Variants in GALNT7 observed in about 807,000 individuals in gnomAD.
GALNT7 encodes polypeptide N-acetylgalactosaminyltransferase 7.
A neutral mutation model predicts 82.1 loss-of-function variants in GALNT7; 60 were observed. The observed-to-expected ratio is 0.73, with a 90% CI of 0.59 to 0.91. The LOEUF (loss-of-function observed/expected upper bound fraction) is 0.91, where lower values mean the gene tolerates loss of function less well. Ranked by LOEUF, GALNT7 falls within the 40% of genes least tolerant of loss-of-function variation. The pLI, the probability that GALNT7 is intolerant of heterozygous loss-of-function variation, is 0.00. For missense variants in GALNT7, 660 were observed against 804.2 expected, an observed-to-expected ratio of 0.82 and a Z score of 2.17; for synonymous variants, 243 against 275.1, an observed-to-expected ratio of 0.88 and a Z score of 1.15.
At position 173,298,156 on chromosome 4, in the gene GALNT7, ACAC is replaced by A; in HGVS notation, c.1008_1010del (p.Asn336_Thr337delinsLys). ...CCGCTTATAGATGTCATAAATGGCAACACATATGAAATTATACCCCAAGGGGGT... is the reference window on the plus strand; with the variant it reads ...CCGCTTATAGATGTCATAAATGGCAAATATGAAATTATACCCCAAGGGGGT... On this transcript the variant is annotated inframe_deletion, in exon 6 of 12. Coordinates refer to ENST00000265000, the MANE Select transcript of GALNT7 (RefSeq NM_017423.3). 6.2e-7 allele frequency: 1 copy of A among 1,614,096 alleles called. No individual in the cohort carries two copies. Among genetic ancestry groups the A allele is most frequent in the Non-Finnish European group, 8.5e-7 (1 of 1,179,948 alleles).
intron 2 of GALNT7, among the ~76,000 whole-genome samples, chr4:173,290,033 A>G (rs1262022018): frequency 2.6e-5 from 4 of 152,228 alleles, no homozygotes; most frequent in Non-Finnish European, 1.5e-5. Flanking sequence ...GGAAAGAACT[A>G]TGGAGCCGCT....
At chr4:173,169,750 G>GC (rs1731790111) in intron 1 of GALNT7, 1 of 152,018 alleles carries the variant, frequency 6.6e-6, no homozygotes, top group Non-Finnish European at 1.5e-5. Context: ...GCCTGGGGAA[G>GC]CCCCTGCTGT....
chr4:173,317,797 A>T, intron 10 of GALNT7, 65 bp downstream of exon 10: 1 of 967,578 alleles, frequency 1.0e-6, no homozygotes, highest in Non-Finnish European at 1.7e-6. Context: ...TATTGATCAC[A>T]GAGTGATCTT....
intron 8 of GALNT7, among the ~76,000 whole-genome samples, chr4:173,312,975 C>G (rs545608108): frequency 1.3e-5 from 2 of 152,184 alleles, no homozygotes; most frequent in South Asian, 4.2e-4. Context: ...AGGAGAATCG[C>G]TTGAACCTGG....
Position 173,178,052 on chromosome 4 carries a change from T to TGTGCGC in GALNT7, c.126+9092_126+9093insTGCGCG, listed in dbSNP as rs563102408. On this transcript the variant is annotated intron_variant, in intron 1 of 11. Transcript: ENST00000265000. ...GTGTGTGTGTGTGTGTGTGTGTGTG[T>TGTGCGC]GCGCGCACGCGCGTGCGCACAGACA... 1.4e-3 allele frequency among the ~76,000 whole-genome samples: 181 copies of TGTGCGC among 129,512 alleles called. 1 individual carries two copies. Among genetic ancestry groups the TGTGCGC allele is most frequent in the South Asian group, 1.3e-3 (5 of 3,836 alleles). 85.0% of individuals were successfully genotyped at this position (129,512 alleles called of 152,430 possible).
At chr4:173,220,077 A>G (rs999065244) in intron 1 of GALNT7, among the ~76,000 whole-genome samples, 2 of 152,116 alleles carry the variant, frequency 1.3e-5, no homozygotes, top group African/African-American at 2.4e-5. Flanking sequence ...TAACAAAGCT[A>G]TTGTCTAGAA....
chr4:173,314,041 A>G lies in GALNT7; in HGVS notation c.1473A>G (p.Pro491=), dbSNP rs763064382. The G allele has an allele frequency of 5.6e-6, 9 of 1,610,216 alleles. No homozygotes were observed. Among genetic ancestry groups the G allele is most frequent in the Non-Finnish European group, 6.8e-6 (8 of 1,176,488 alleles). Reference sequence around the variant, plus strand: ...GTCGTCCTGAATCGCAGGCATTACCATATGGGGATATATCGGAGCTGAAAA... The same window carrying G: ...GTCGTCCTGAATCGCAGGCATTACCGTATGGGGATATATCGGAGCTGAAAA... The part of the protein sequence containing the change: ...YASRPESQAL[P]YGDISELKKF... Residue 491 remains proline (P), a synonymous_variant, in exon 9 of 12, where the codon CCA becomes CCG. Coordinates refer to ENST00000265000, the MANE Select transcript of GALNT7 (RefSeq NM_017423.3).
intron 1 of GALNT7, among the ~76,000 whole-genome samples, chr4:173,228,306 T>G (rs1376669029): frequency 7.2e-6 from 1 of 138,888 alleles, no homozygotes; most frequent in Non-Finnish European, 1.6e-5. Context: ...GTCATTTCTA[T>G]GCCCCATTAT....
intron 2 of GALNT7, among the ~76,000 whole-genome samples, chr4:173,276,688 G>GGAA (rs966575736): frequency 6.6e-5 from 10 of 152,152 alleles, no homozygotes; most frequent in Non-Finnish European, 1.5e-4. Context: ...TTGTGGAGGA[G>GGAA]GAAGCAGGGA....
chr4:173,247,393 A>G (rs1030523682), intron 1 of GALNT7, among the ~76,000 whole-genome samples: 1 of 151,110 alleles, frequency 6.6e-6, no homozygotes, highest in African/African-American at 2.4e-5. Context: ...TTAGTTACAG[A>G]TATTAGCTTT....
chr4:173,191,905 A>G (rs749338089), intron 1 of GALNT7, among the ~76,000 whole-genome samples: 1 of 152,204 alleles, frequency 6.6e-6, no homozygotes, highest in Non-Finnish European at 1.5e-5. Flanking sequence ...GAGGAGAGAA[A>G]GGTAACTAAG....
intron 1 of GALNT7, among the ~76,000 whole-genome samples, chr4:173,188,866 G>C (rs1174081583): frequency 6.6e-6 from 1 of 152,186 alleles, no homozygotes; most frequent in South Asian, 2.1e-4. Context: ...TCTTTAGCAC[G>C]TGGCTGTTTC....
intron 9 of GALNT7, among the ~76,000 whole-genome samples, chr4:173,315,559 G>A (rs73003372): frequency 0.012 from 1,795 of 152,260 alleles, 28 homozygotes; most frequent in African/African-American, 0.041. Context: ...AGACCCATCC[G>A]TCAGAAACGC....
chr4:173,173,541 G>A (rs1441696771), intron 1 of GALNT7, among the ~76,000 whole-genome samples: 1 of 152,158 alleles, frequency 6.6e-6, no homozygotes. Context: ...GGGGGAGTTG[G>A]GTTGGGTGGG....
intron 1 of GALNT7, among the ~76,000 whole-genome samples, chr4:173,221,462 C>T (rs1234259935): frequency 6.6e-6 from 1 of 152,102 alleles, no homozygotes; most frequent in Non-Finnish European, 1.5e-5. Flanking sequence ...TAGAGTAGAG[C>T]TATTAATCAT....
chr4:173,259,829 G>A (rs1460368340), intron 2 of GALNT7, among the ~76,000 whole-genome samples: 1 of 152,050 alleles, frequency 6.6e-6, no homozygotes, highest in Admixed American at 6.6e-5. Context: ...GCAGAGACGG[G>A]GTTTTGCCTT....
intron 8 of GALNT7, among the ~76,000 whole-genome samples, chr4:173,304,400 T>C (rs915446986): frequency 6.9e-6 from 1 of 144,990 alleles, no homozygotes; most frequent in Non-Finnish European, 1.5e-5. Context: ...CCCCATCTCT[T>C]AAAAAAAAAA....
At chr4:173,236,729 G>A (rs1210722681) in intron 1 of GALNT7, among the ~76,000 whole-genome samples, 4 of 152,142 alleles carry the variant, frequency 2.6e-5, no homozygotes, top group Admixed American at 6.5e-5. Context: ...TTTTCAAAAC[G>A]CAGATCAGGT....
rs750053029 is a variant in GALNT7 at position 173,314,125 on chromosome 4, T to C, written c.1557T>C (p.Tyr519=). ...SFKWFMEEIA[Y]DITSHYPLPP... is the part of the protein sequence containing the mutation. ...AGTGGTTCATGGAAGAAATAGCTTA[T>C]GATATCACCTCACACTACCCTTTGC... The change falls in exon 9 of 12, where the codon TAT becomes TAC. Residue 519 remains tyrosine, a synonymous_variant. Transcript: ENST00000265000. 13 of 1,613,930 alleles carry C rather than the reference T, an allele frequency of 8.1e-6. No individual in the cohort carries two copies. Among genetic ancestry groups the C allele is most frequent in the Admixed American group, 5.0e-5 (3 of 60,008 alleles).
Sources: gnomAD v4.1 joint callset for allele counts (sites outside exome capture counted in the v4.1 genomes callset) on GRCh38, gnomAD v4.1.1 for gene constraint, MANE v1.5 for transcripts, NCBI Gene and HGNC (gene_info 2026-07-23, HGNC 2026-07-21) for gene names.